The following SAMD3 variants were observed in gnomAD, a reference collection of about 807,000 sequenced individuals.
SAMD3 encodes sterile alpha motif domain containing 3.
In SAMD3, 63 loss-of-function variants were observed where a neutral mutation model predicts 58.5. The observed-to-expected ratio is 1.08, with a 90% CI of 0.88 to 1.33. The LOEUF is 1.33. Among genes scored for constraint, SAMD3 ranks in the 40% most tolerant of loss-of-function variants. SAMD3 has a pLI of 0.00. For synonymous variants in SAMD3, 220 were observed against 210.3 expected, an observed-to-expected ratio of 1.05 and a Z score of -0.40; for missense variants, 604 against 608.4, an observed-to-expected ratio of 0.99 and a Z score of 0.08.
At chr6:130,211,675 C>T (rs186153334) in intron 4 of SAMD3, among the ~76,000 whole-genome samples, 13 of 152,120 alleles carry the variant, frequency 8.5e-5, no homozygotes, top group Non-Finnish European at 7.4e-5. Flanking sequence ...GTAAATCTTA[C>T]GCTGATTGAT....
chr6:130,304,153 A>G lies in SAMD3; in HGVS notation c.-188+8825T>C, dbSNP rs538536748. Among the ~76,000 whole-genome samples, 3 of 152,304 alleles carry G rather than the reference A, an allele frequency of 2.0e-5. No homozygotes were observed. The South Asian group carries it at 6.2e-4, about 32-fold the overall frequency. On this transcript the variant is annotated intron_variant, in intron 2 of 13. Coordinates refer to the SAMD3 transcript ENST00000368134. Reference sequence around the variant, plus strand: ...CAGCTTTTTTCTTACACGGTTAAACAATGGTTTTGTCAACATTGTTGAACA... The same window carrying G: ...CAGCTTTTTTCTTACACGGTTAAACGATGGTTTTGTCAACATTGTTGAACA...
chr6:130,311,741 G>T (rs1430171652), intron 2 of SAMD3, among the ~76,000 whole-genome samples: 1 of 135,590 alleles, frequency 7.4e-6, no homozygotes, highest in East Asian at 2.3e-4. Context: ...GTTGAGGAGA[G>T]GGGAAAAAAG....
chr6:130,183,983 T>G, intron 7 of SAMD3, 120 bp downstream of exon 7: 2 of 701,482 alleles, frequency 2.9e-6, no homozygotes, highest in South Asian at 3.3e-5. Flanking sequence ...ATAGACAGAA[T>G]GAGAGAGAGA....
chr6:130,205,636 C>T (rs552121815), intron 5 of SAMD3, among the ~76,000 whole-genome samples: 2 of 152,242 alleles, frequency 1.3e-5, no homozygotes, highest in South Asian at 2.1e-4. Context: ...TATTGAGCCT[C>T]TATGTGTGAG....
At chr6:130,163,404 G>A (rs972379266) in intron 8 of SAMD3, among the ~76,000 whole-genome samples, 27 of 152,080 alleles carry the variant, frequency 1.8e-4, no homozygotes, top group African/African-American at 6.0e-4. Flanking sequence ...TTCTATTGTC[G>A]TCAAGTGTTG....
At chr6:130,209,327 A>G (rs1467746164) in intron 5 of SAMD3, among the ~76,000 whole-genome samples, 168 bp downstream of exon 5, 7 of 152,234 alleles carry the variant, frequency 4.6e-5, no homozygotes, top group Non-Finnish European at 8.8e-5. Context: ...AGAAAATTTA[A>G]TCTTCATCTT....
chr6:130,263,589 T>A (rs932265794), intron 2 of SAMD3, among the ~76,000 whole-genome samples: 3 of 152,216 alleles, frequency 2.0e-5, no homozygotes, highest in Non-Finnish European at 2.9e-5. Flanking sequence ...AAGAAAAATT[T>A]AACTCGTTTC....
intron 7 of SAMD3, among the ~76,000 whole-genome samples, chr6:130,180,631 G>T (rs1211420125): frequency 1.3e-5 from 2 of 152,146 alleles, no homozygotes; most frequent in African/African-American, 4.8e-5. Context: ...TTTTGTTGTT[G>T]TTGTTGCTTT....
At chr6:130,171,678 T>C (rs188020715) in intron 8 of SAMD3, among the ~76,000 whole-genome samples, 18 of 152,370 alleles carry the variant, frequency 1.2e-4, no homozygotes, top group African/African-American at 4.3e-4. Context: ...GAAGAATCTA[T>C]GTTCTGTTGA....
intron 5 of SAMD3, among the ~76,000 whole-genome samples, chr6:130,206,100 T>C (rs1795057699): frequency 6.6e-6 from 1 of 152,150 alleles, no homozygotes; most frequent in Non-Finnish European, 1.5e-5. Flanking sequence ...GGCAGGGCCA[T>C]AGGGAAAATA....
At chr6:130,228,866 G>T (rs1480160260) in intron 2 of SAMD3, among the ~76,000 whole-genome samples, 1 of 152,166 alleles carries the variant, frequency 6.6e-6, no homozygotes, top group Non-Finnish European at 1.5e-5. Flanking sequence ...TCTCCCAAGT[G>T]GGCTCTGGGC....
chr6:130,329,734 C>T (rs1003051867), intron 1 of SAMD3, among the ~76,000 whole-genome samples: 4 of 152,196 alleles, frequency 2.6e-5, no homozygotes, highest in Admixed American at 2.0e-4. Context: ...ACTATGCAGC[C>T]ATAAAAAAGA....
chr6:130,206,356 A>G (rs937131039), intron 5 of SAMD3, among the ~76,000 whole-genome samples: 3 of 152,202 alleles, frequency 2.0e-5, no homozygotes, highest in Admixed American at 2.0e-4. Flanking sequence ...TGATAAATCT[A>G]TCCTTGCAGG....
In SAMD3 at chr6:130,144,689, G is replaced by A; in HGVS notation, c.1394C>T (p.Ala465Val). Residue 465 changes from alanine (A) to valine (V), a missense_variant, in exon 12 of 12, where the codon GCC (alanine) becomes GTC (valine). Coordinates refer to ENST00000439090, the MANE Select transcript of SAMD3 (RefSeq NM_001017373.4). ...RLTKVDDCVT[A>V]LAALVAAFHV... ...AAAGGCAGCTACTAGCGCAGCCAAG[G>A]CTGTAACACAGTCGTCCACCTTTGT... 2.5e-6 allele frequency: 4 copies of A among 1,614,012 alleles called. No individual in the cohort carries two copies. The highest frequency in any genetic ancestry group is 3.4e-6 in the Non-Finnish European group (4 of 1,180,006).
At chr6:130,215,730 A>G in intron 2 of SAMD3, 1 of 1,488,482 alleles carries the variant, frequency 6.7e-7, no homozygotes, top group South Asian at 1.3e-5. Flanking sequence ...GGAAGGGAGG[A>G]AGGATCAGAT....
chr6:130,272,941 C>G (rs917385733), intron 2 of SAMD3, among the ~76,000 whole-genome samples: 7 of 152,130 alleles, frequency 4.6e-5, no homozygotes, highest in Admixed American at 3.9e-4. Context: ...CTAGTAGACA[C>G]AGATTTTAGC....
At chr6:130,179,859 G>T (rs1792114724) in intron 7 of SAMD3, among the ~76,000 whole-genome samples, 1 of 145,396 alleles carries the variant, frequency 6.9e-6, no homozygotes, top group African/African-American at 2.6e-5. Context: ...TGTCCCCCAG[G>T]CTAGAGTACG....
rs575256399 is a variant in SAMD3 at position 130,310,265 on chromosome 6, G to A, written c.-188+2713C>T. On this transcript the variant is annotated intron_variant, in intron 2 of 13. Transcript: ENST00000368134. Reference sequence around the variant, plus strand: ...ATATTGTAATATCTGTATTGCAAATGTAATCTTAGTAATCCTATACTGCAT... The same window carrying A: ...ATATTGTAATATCTGTATTGCAAATATAATCTTAGTAATCCTATACTGCAT... Among the ~76,000 whole-genome samples, 40 of 152,264 alleles carry A rather than the reference G, an allele frequency of 2.6e-4. No individual in the cohort carries two copies. In the South Asian group the frequency reaches 8.1e-3, roughly 31 times the overall value.
intron 1 of SAMD3, among the ~76,000 whole-genome samples, chr6:130,352,742 T>C (rs1382332378): frequency 6.6e-6 from 1 of 152,182 alleles, no homozygotes; most frequent in Non-Finnish European, 1.5e-5. Context: ...AACTCACAGT[T>C]TCTATGAACA....
Sources: allele counts gnomAD v4.1 joint callset (sites outside exome capture counted in the v4.1 genomes callset), GRCh38; gene constraint gnomAD v4.1.1; transcripts MANE v1.5; gene names NCBI Gene and HGNC (gene_info 2026-07-23, HGNC 2026-07-21).